CPSF4: variants seen among roughly 807,000 people sequenced by gnomAD.
CPSF4 encodes cleavage and polyadenylation specific factor 4, also known as cleavage and polyadenylation specificity factor subunit 4.
Under a neutral mutation model 37.7 loss-of-function variants are expected in CPSF4, and 11 were observed. The observed-to-expected ratio is 0.29, with a 90% CI of 0.18 to 0.48. The LOEUF is 0.48. Ranked by LOEUF, CPSF4 falls within the 20% of genes least tolerant of loss-of-function variation. CPSF4 has a pLI of 0.99. For missense variants in CPSF4, 144 were observed against 359.5 expected, an observed-to-expected ratio of 0.40 and a Z score of 4.85; for synonymous variants, 132 against 135.9, an observed-to-expected ratio of 0.97 and a Z score of 0.20.
chr7:99,450,573 G>A, intron 4 of CPSF4, 129 bp from the exon 5 acceptor site: 1 of 831,852 alleles, frequency 1.2e-6, no homozygotes, highest in Non-Finnish European at 2.0e-6. Flanking sequence ...TTGATAAGGA[G>A]GCCAGTGTTG....
At position 99,454,151 on chromosome 7, in the gene CPSF4, T is replaced by G. The variant is rs750869911; in HGVS notation, c.741+15T>G. The G allele has an allele frequency of 6.2e-7, 1 of 1,608,614 alleles. No individual in the cohort carries two copies. The highest frequency in any genetic ancestry group is 8.5e-7 in the Non-Finnish European group (1 of 1,176,664). On this transcript the variant is annotated intron_variant, in intron 7 of 7. Coordinates refer to ENST00000292476, the MANE Select transcript of CPSF4 (RefSeq NM_006693.4). ...CCTGTTACAAGGTGAGTCCCTGGGC[T>G]GGGGGACAGGGTGGGGTCTTCCCTT...
chr7:99,451,947 G>A (rs1207333307), intron 5 of CPSF4, among the ~76,000 whole-genome samples: 1 of 152,254 alleles, frequency 6.6e-6, no homozygotes, highest in Admixed American at 6.5e-5. Context: ...GGCACCTGCA[G>A]GTGGCTCAGG....
In CPSF4 at chr7:99,457,188, G is replaced by C. The variant is rs1163023940; in HGVS notation, c.*688G>C. On this transcript the variant is annotated 3_prime_UTR_variant, in exon 8 of 8. Transcript: ENST00000292476. Reference sequence around the variant, plus strand: ...AATAGATGACCCCTTCAGATCATCTGTGCCTACCTCCTGCCCATCAGGCGT... The same window carrying C: ...AATAGATGACCCCTTCAGATCATCTCTGCCTACCTCCTGCCCATCAGGCGT... The C allele has an allele frequency of 1.3e-5, 2 of 159,038 alleles. No homozygotes were observed. The highest frequency in any genetic ancestry group is 4.8e-5 in the African/African-American group (2 of 41,508). The allele number at this position is 159,038 out of a possible 1,614,324, so 9.9% of individuals were successfully genotyped here.
At position 99,439,076 on chromosome 7, in the gene CPSF4, C is replaced by T. The variant is rs770416573; in HGVS notation, c.-7C>T. 68 of 1,605,712 alleles carry T rather than the reference C, an allele frequency of 4.2e-5. No individual in the cohort carries two copies. The highest frequency in any genetic ancestry group is 1.7e-6 in the Non-Finnish European group (2 of 1,177,832). On this transcript the variant is annotated 5_prime_UTR_variant, in exon 1 of 8. Coordinates refer to ENST00000292476, the MANE Select transcript of CPSF4 (RefSeq NM_006693.4). ...GGAGCCGGGCCGGTGGGGCCGCCGC[C>T]GCCGCCATGCAGGAAATCATCGCCA...
At chr7:99,439,423 G>C (rs1049543318) in intron 1 of CPSF4, 3 of 455,084 alleles carry the variant, frequency 6.6e-6, no homozygotes, top group African/African-American at 6.1e-5. Flanking sequence ...GTGGTCCCGA[G>C]ACTCTTCCCA....
chr7:99,440,655 C>CGCATATATATATATATAT (rs1363427698), intron 1 of CPSF4, among the ~76,000 whole-genome samples: 80 of 90,366 alleles, frequency 8.9e-4, no homozygotes, highest in South Asian at 2.3e-3. Flanking sequence ...CTGCACCTGG[C>CGCATATATATATATATAT]ATATATATAT....
intron 1 of CPSF4, 105 bp from the exon 2 acceptor site, chr7:99,444,684 C>T (rs944987415): frequency 2.9e-5 from 31 of 1,085,666 alleles, no homozygotes; most frequent in Non-Finnish European, 3.9e-5. Context: ...TACCCTGAAC[C>T]CTTGGTGGGT....
rs1232112646 is a variant in CPSF4, at chr7:99,443,531, T to C, written c.104-1258T>C. On this transcript the variant is annotated intron_variant, in intron 1 of 7. Coordinates refer to ENST00000292476, the MANE Select transcript of CPSF4 (RefSeq NM_006693.4). ...CCTCCGGGTGTGCTCTTTTAATAAT[T>C]GTATGTGGGGTGGGGTGCGGTGGCT... 7 of 671,396 alleles carry C rather than the reference T, an allele frequency of 1.0e-5. No homozygotes were observed. In the East Asian group the frequency reaches 1.6e-4, roughly 16 times the overall value. 41.6% of individuals were successfully genotyped at this position (671,396 alleles called of 1,614,324 possible).
At chr7:99,456,265 C>T (rs1369157866) in intron 7 of CPSF4, 167 bp from the exon 8 acceptor site, 2 of 649,590 alleles carry the variant, frequency 3.1e-6, no homozygotes, top group Non-Finnish European at 5.5e-6. Context: ...GCTCCCTCAC[C>T]CTCTAATTTG....
chr7:99,448,520 G>C lies in CPSF4; in HGVS notation c.307+247G>C, dbSNP rs1043482796. 8.0e-6 allele frequency: 3 copies of C among 373,442 alleles called. No homozygotes were observed. Among genetic ancestry groups the C allele is most frequent in the Non-Finnish European group, 1.4e-5 (3 of 211,928 alleles). The allele number at this position is 373,442 out of a possible 1,614,324, so 23.1% of individuals were successfully genotyped here. A position where few individuals can be genotyped will look rare whatever the true frequency, so the allele number is the denominator to read the frequency against. On this transcript the variant is annotated intron_variant, in intron 3 of 7. Transcript: ENST00000292476. The surrounding 1 kb of genome is among the most constrained non-coding windows in gnomAD (Gnocchi z 4.4). ...TCGCTATGTTTCACATACTGGTCTT[G>C]AACTCCTGGGCTCGAGTGATCTGCC...
At position 99,442,778 on chromosome 7, in the gene CPSF4, C is replaced by G; in HGVS notation, c.104-2011C>G. 3 of 671,050 alleles carry G rather than the reference C, an allele frequency of 4.5e-6. No homozygotes were observed. The South Asian group carries it at 5.0e-5, about 11-fold the overall frequency. The allele number at this position is 671,050 out of a possible 1,614,324, so 41.6% of individuals were successfully genotyped here. On this transcript the variant is annotated intron_variant, in intron 1 of 7. Coordinates refer to ENST00000292476, the MANE Select transcript of CPSF4 (RefSeq NM_006693.4). ...GCAGTTCACAGTTTTACCTGGGGTA[C>G]CTGCTCCCTCATTGCAAGGCAAGAC...
At chr7:99,441,591 T>G in intron 1 of CPSF4, 1 of 452,824 alleles carries the variant, frequency 2.2e-6, no homozygotes, top group South Asian at 1.6e-5. Context: ...CCATAAGGCA[T>G]ACTCATCCTA....
rs2150999679 is a variant in CPSF4 at position 99,448,321 on chromosome 7, A to G, written c.307+48A>G. On this transcript the variant is annotated intron_variant, in intron 3 of 7. Coordinates refer to ENST00000292476, the MANE Select transcript of CPSF4 (RefSeq NM_006693.4). This position sits in a 1 kb window ranked among gnomAD's most constrained non-coding sequence, Gnocchi z 4.4. ...GGCTCTGCTGAGAACCAGGGTGCAG[A>G]GGGGTCCGCTGGCTGCTCAGTGCCC... 1 of 1,602,662 alleles carries G rather than the reference A, an allele frequency of 6.2e-7. No individual in the cohort carries two copies. Among genetic ancestry groups the G allele is most frequent in the Admixed American group, 1.7e-5 (1 of 58,916 alleles).
intron 7 of CPSF4, among the ~76,000 whole-genome samples, chr7:99,455,305 G>C (rs1402756601): frequency 1.3e-5 from 2 of 152,174 alleles, no homozygotes; most frequent in Non-Finnish European, 2.9e-5. Context: ...GCCAGATGCC[G>C]TGAGCAGGGT....
rs1798074069 is a variant in CPSF4 at position 99,453,436 on chromosome 7, G to C, written c.571-530G>C. On this transcript the variant is annotated intron_variant, in intron 6 of 7. Transcript: ENST00000292476. This position sits in a 1 kb window ranked among gnomAD's most constrained non-coding sequence, Gnocchi z 4.7. ...GCTCGGGTTCTGCACTTACGGGCCA[G>C]AGCCAGGAGCCCACCTGGTGGGGAG... Among the ~76,000 whole-genome samples the C allele has an allele frequency of 6.6e-6, 1 of 152,198 alleles. No homozygotes were observed.
chr7:99,444,763 C>T (rs181776049), intron 1 of CPSF4, 26 bp from the exon 2 acceptor site: 67 of 1,609,418 alleles, frequency 4.2e-5, no homozygotes, highest in Admixed American at 1.3e-4. Context: ...CTCTTTGATT[C>T]CTCTCCTTTT....
chr7:99,453,785 G>A lies in CPSF4; in HGVS notation c.571-181G>A, dbSNP rs1468472667. 2 of 604,212 alleles carry A rather than the reference G, an allele frequency of 3.3e-6. No individual in the cohort carries two copies. The highest frequency in any genetic ancestry group is 5.8e-6 in the Non-Finnish European group (2 of 342,160). 37.4% of individuals were successfully genotyped at this position (604,212 alleles called of 1,614,324 possible). A position where few individuals can be genotyped will look rare whatever the true frequency, so the allele number is the denominator to read the frequency against. The stretch of plus-strand genomic sequence containing the variant: ...GTGTCTGCATGGTGTTTTTCGGGCA[G>A]TGGCTTCTGCCATCATCACCACATG... On this transcript the variant is annotated intron_variant, in intron 6 of 7. Transcript: ENST00000292476. This position sits in a 1 kb window ranked among gnomAD's most constrained non-coding sequence, Gnocchi z 4.7.
At chr7:99,441,029 C>T (rs907094541) in intron 1 of CPSF4, among the ~76,000 whole-genome samples, 3 of 149,574 alleles carry the variant, frequency 2.0e-5, no homozygotes, top group Admixed American at 6.7e-5. Flanking sequence ...CGGCTCACTG[C>T]AACCTCCACC....
At chr7:99,446,679 C>G (rs1227969061) in intron 2 of CPSF4, among the ~76,000 whole-genome samples, 1 of 142,188 alleles carries the variant, frequency 7.0e-6, no homozygotes, top group African/African-American at 2.6e-5. Flanking sequence ...ACAGTCATAG[C>G]TGACTGCAAG....
Sources: gnomAD v4.1 joint callset for allele counts (sites outside exome capture counted in the v4.1 genomes callset) on GRCh38, gnomAD v4.1.1 for gene constraint, Gnocchi (gnomAD v3.1) non-coding constraint, MANE v1.5 for transcripts, NCBI Gene and HGNC (gene_info 2026-07-23, HGNC 2026-07-21) for gene names.